FAM222B: variants seen among roughly 807,000 people sequenced by gnomAD.
The protein encoded by FAM222B is protein FAM222B.
In FAM222B, 12 loss-of-function variants were observed where a neutral mutation model predicts 38.0. That is an observed-to-expected ratio of 0.32 (90% CI 0.20 to 0.51). FAM222B has a LOEUF of 0.51. Ranked by LOEUF, FAM222B falls within the 20% of genes least tolerant of loss-of-function variation. The probability of loss-of-function intolerance (pLI) is 0.97; values close to 1 mark genes in which losing one functional copy is unlikely to be tolerated. For missense variants in FAM222B, 716 were observed against 754.2 expected (o/e 0.95, Z 0.59); for synonymous variants, 329 against 317.2 (o/e 1.04, Z -0.40).
chr17:28,802,618 G>T, intron 1 of FAM222B: 1 of 169,110 alleles, frequency 5.9e-6, no homozygotes, highest in South Asian at 1.5e-4. Flanking sequence ...GGGAGATGAG[G>T]ACCCCAGATG....
At chr17:28,845,510 G>A (rs1429693995), upstream of FAM222B, among the ~76,000 whole-genome samples, 6 of 150,186 alleles carry the variant, frequency 4.0e-5, no homozygotes, top group Non-Finnish European at 5.9e-5. Flanking sequence ...ACTGGGAAGC[G>A]GAGCTTGCAG....
chr17:28,804,372 G>T (rs1256376753), intron 1 of FAM222B, among the ~76,000 whole-genome samples: 1 of 151,092 alleles, frequency 6.6e-6, no homozygotes, highest in Non-Finnish European at 1.5e-5. Context: ...GTCTCGCCCT[G>T]TCGCCAGCCT....
intron 1 of FAM222B, among the ~76,000 whole-genome samples, chr17:28,851,091 C>G (rs1042240035): frequency 6.6e-6 from 1 of 151,952 alleles, no homozygotes; most frequent in East Asian, 1.9e-4. Flanking sequence ...TGCACTCCAG[C>G]CTGGGCGACA....
chr17:28,764,165 G>A (rs1043485857), intron 2 of FAM222B, among the ~76,000 whole-genome samples: 3 of 150,926 alleles, frequency 2.0e-5, no homozygotes, highest in Non-Finnish European at 2.9e-5. Context: ...TGAGCTACTC[G>A]AGAGACTAAG....
chr17:28,791,737 A>G (rs151101078), intron 1 of FAM222B, among the ~76,000 whole-genome samples: 81 of 137,176 alleles, frequency 5.9e-4, no homozygotes, highest in Non-Finnish European at 9.8e-4. Context: ...TCGGCTCACT[A>G]CAGCCTCCAC....
At chr17:28,780,002 G>A (rs372307506) in intron 1 of FAM222B, among the ~76,000 whole-genome samples, 3 of 149,392 alleles carry the variant, frequency 2.0e-5, no homozygotes, top group East Asian at 4.0e-4. Flanking sequence ...ATGAAGTCTC[G>A]CTCTGTCGCC....
intron 1 of FAM222B, among the ~76,000 whole-genome samples, chr17:28,814,704 TG>T (rs2037945413): frequency 6.6e-6 from 1 of 151,878 alleles, no homozygotes; most frequent in African/African-American, 2.4e-5. Context: ...TGACCTCAAG[TG>T]ATCTGCCTGC....
intron 1 of FAM222B, among the ~76,000 whole-genome samples, chr17:28,805,872 T>C (rs1254136062): frequency 6.6e-6 from 1 of 152,144 alleles, no homozygotes; most frequent in African/African-American, 2.4e-5. Context: ...CAGGGCACGG[T>C]GGGTCACGCC....
In FAM222B at chr17:28,847,794, G is replaced by C. The variant is rs752959941; in HGVS notation, c.-41+7156C>G. ...CCGGGCGCCATGGCGGGCGCCTATA[G>C]TCCCAGCTACTCCGGAGGCTGAGGC... On this transcript the variant is annotated intron_variant, in intron 1 of 2. Coordinates refer to the FAM222B transcript ENST00000577513. 3.1e-4 allele frequency among the ~76,000 whole-genome samples: 46 copies of C among 150,628 alleles called. 1 individual carries two copies. Among genetic ancestry groups the C allele is most frequent in the Admixed American group, 2.3e-3 (34 of 15,096 alleles).
Position 28,759,321 on chromosome 17 carries a change from G to A in FAM222B, c.638C>T (p.Ala213Val), listed in dbSNP as rs370942466. 7 of 1,611,084 alleles carry A rather than the reference G, an allele frequency of 4.3e-6. No homozygotes were observed. The highest frequency in any genetic ancestry group is 5.9e-6 in the Non-Finnish European group (7 of 1,178,930). ...AQTQGLVHPQALAHQGLQHPH... is the reference protein window; with the variant it reads ...AQTQGLVHPQVLAHQGLQHPH... ...GTGCTGGAGACCCTGGTGAGCCAGG[G>A]CCTGAGGGTGGACCAAGCCCTGGGT... Residue 213 changes from alanine (A) to valine (V), a missense_variant, in exon 3 of 3, where the codon GCC becomes GTC. Transcript: ENST00000581407. This position sits in a 1 kb window ranked among gnomAD's most constrained non-coding sequence, Gnocchi z 4.8.
intron 1 of FAM222B, among the ~76,000 whole-genome samples, chr17:28,791,649 G>A (rs1294635500): frequency 6.7e-6 from 1 of 149,222 alleles, no homozygotes; most frequent in Non-Finnish European, 1.5e-5. Context: ...GGGAGATTGA[G>A]TCAGGAGAAT....
At chr17:28,780,806 T>C (rs1364793138) in intron 1 of FAM222B, among the ~76,000 whole-genome samples, 4 of 151,664 alleles carry the variant, frequency 2.6e-5, no homozygotes, top group East Asian at 3.9e-4. Flanking sequence ...CGCCTGAACT[T>C]GGGAGGCGGA....
chr17:28,782,189 G>A (rs1371083695), intron 1 of FAM222B, among the ~76,000 whole-genome samples: 1 of 152,096 alleles, frequency 6.6e-6, no homozygotes, highest in Admixed American at 6.6e-5. Context: ...GGGTGTGTTG[G>A]CACATGCCTG....
rs35057595 is a variant in FAM222B at position 28,823,362 on chromosome 17, A to ATTTT, written c.-41+19316_-41+19319dup. 1.4e-5 allele frequency among the ~76,000 whole-genome samples: 2 copies of ATTTT among 139,672 alleles called. 1 individual carries two copies. Among genetic ancestry groups the ATTTT allele is most frequent in the Non-Finnish European group, 3.1e-5 (2 of 64,094 alleles). 91.6% of individuals were successfully genotyped at this position (139,672 alleles called of 152,430 possible). Reference sequence around the variant, plus strand: ...TCAACAGAGCTCACCACTCCGTTCTATTTTTTTTTTTTTTTTGAGAAAGTG... The same window carrying ATTTT: ...TCAACAGAGCTCACCACTCCGTTCTATTTTTTTTTTTTTTTTTTTTGAGAAAGTG... On this transcript the variant is annotated intron_variant, in intron 1 of 2. Transcript: ENST00000581407.
chr17:28,804,369 CCT>C (rs2037379095), intron 1 of FAM222B, among the ~76,000 whole-genome samples: 1 of 152,056 alleles, frequency 6.6e-6, no homozygotes, highest in African/African-American at 2.4e-5. Flanking sequence ...ACAGTCTCGC[CCT>C]GTCGCCAGCC....
chr17:28,811,260 G>A (rs2037748623), intron 1 of FAM222B, among the ~76,000 whole-genome samples: 1 of 152,104 alleles, frequency 6.6e-6, no homozygotes, highest in East Asian at 1.9e-4. Context: ...CTAACACGGT[G>A]AAACCCGGTC....
Position 28,759,083 on chromosome 17 carries a change from G to C in FAM222B, c.876C>G (p.Ile292Met). ...ISTTSVCEGQ[I>M]ANPSPISRSL... is the part of the protein sequence containing the mutation. ...TGCGACTAATGGGGCTGGGGTTGGCGATCTGGCCCTCACACACTGAGGTAG... is the reference window on the plus strand; with the variant it reads ...TGCGACTAATGGGGCTGGGGTTGGCCATCTGGCCCTCACACACTGAGGTAG... Residue 292 changes from isoleucine to methionine, a missense_variant, in exon 3 of 3, where the codon ATC becomes ATG. By Grantham distance (10) the Ile-to-Met change is conservative (BLOSUM62 1). Coordinates refer to ENST00000581407, the MANE Select transcript of FAM222B (RefSeq NM_001077498.3). This position sits in a 1 kb window ranked among gnomAD's most constrained non-coding sequence, Gnocchi z 4.8. The C allele has an allele frequency of 6.2e-7, 1 of 1,611,634 alleles. No homozygotes were observed. Among genetic ancestry groups the C allele is most frequent in the Non-Finnish European group, 8.5e-7 (1 of 1,178,922 alleles).
intron 1 of FAM222B, among the ~76,000 whole-genome samples, chr17:28,831,777 A>G (rs1408150294): frequency 6.6e-6 from 1 of 151,932 alleles, no homozygotes; most frequent in African/African-American, 2.4e-5. Flanking sequence ...TCTGCCTCCC[A>G]AAGTGCTGAG....
chr17:28,794,346 A>C (rs1273601828), intron 1 of FAM222B, among the ~76,000 whole-genome samples: 2 of 151,860 alleles, frequency 1.3e-5, no homozygotes, highest in African/African-American at 4.8e-5. Flanking sequence ...AAGCCTCCCA[A>C]GTAGCTGGGA....
Sources: gnomAD v4.1 joint callset for allele counts (sites outside exome capture counted in the v4.1 genomes callset) on GRCh38, gnomAD v4.1.1 for gene constraint, Gnocchi (gnomAD v3.1) non-coding constraint, MANE v1.5 for transcripts, NCBI Gene and HGNC (gene_info 2026-07-23, HGNC 2026-07-21) for gene names.